The following ITIH1 variants were observed in gnomAD, a reference collection of about 807,000 sequenced individuals.
The protein encoded by ITIH1 is inter-alpha-trypsin inhibitor heavy chain H1.
Under a neutral mutation model 104.6 loss-of-function variants are expected in ITIH1, and 94 were observed. That is an observed-to-expected ratio of 0.90 (90% CI 0.76 to 1.07). The LOEUF is 1.07. Ranked by LOEUF, ITIH1 falls within the 50% of genes least tolerant of loss-of-function variation. The pLI is 0.00. For missense variants in ITIH1, 1,193 were observed against 1,181.4 expected, an observed-to-expected ratio of 1.01 and a Z score of -0.14; for synonymous variants, 455 against 464.4, an observed-to-expected ratio of 0.98 and a Z score of 0.26.
chr3:52,778,452 A>G lies in ITIH1; in HGVS notation c.251A>G (p.Glu84Gly), dbSNP rs1698957686. 1 of 1,614,116 alleles carries G rather than the reference A, an allele frequency of 6.2e-7. No homozygotes were observed. The highest frequency in any genetic ancestry group is 8.5e-7 in the Non-Finnish European group (1 of 1,180,040). ...QVVNTANEAR[E>G]VAFDLEIPKT... ...GTCAACACTGCCAATGAAGCCAGGG[A>G]AGTGGCCTTCGACCTGGAAATCCCC... Residue 84 changes from glutamate to glycine, a missense_variant, in exon 3 of 22, where the codon GAA (glutamate) becomes GGA (glycine). Transcript: ENST00000273283.
At position 52,778,998 on chromosome 3, in the gene ITIH1, A is replaced by G. The variant is rs1698974565; in HGVS notation, c.362A>G (p.Lys121Arg). 1 of 1,613,906 alleles carries G rather than the reference A, an allele frequency of 6.2e-7. No homozygotes were observed. The highest frequency in any genetic ancestry group is 8.5e-7 in the Non-Finnish European group (1 of 1,179,856). Reference sequence around the variant, plus strand: ...ATAAAGGACAAGGTGACTGCATGGAAGCAGTACCGGAAAGCAGCTATCTCA... The same window carrying G: ...ATAAAGGACAAGGTGACTGCATGGAGGCAGTACCGGAAAGCAGCTATCTCA... ...GDIKDKVTAW[K>R]QYRKAAISGE... is the part of the protein sequence containing the mutation. Residue 121 changes from lysine to arginine, a missense_variant, in exon 4 of 22, where the codon AAG (lysine) becomes AGG (arginine). Lys to Arg is a conservative substitution (Grantham distance 26, BLOSUM62 2). Transcript: ENST00000273283.
In ITIH1 at chr3:52,790,836, G is replaced by T; in HGVS notation, c.2409G>T (p.Trp803Cys). 1 of 1,613,248 alleles carries T rather than the reference G, an allele frequency of 6.2e-7. No homozygotes were observed. The highest frequency in any genetic ancestry group is 8.5e-7 in the Non-Finnish European group (1 of 1,179,628). ...GTFEVVLHRV[W>C]KGSSVHQDFL... is the part of the protein sequence containing the mutation. ...TTGAGGTTGTTTTGCACCGAGTGTG[G>T]AAGGGGAGCTCGGTCCACCAGGACT... The change falls in exon 20 of 22, where the codon TGG becomes TGT. Residue 803 changes from tryptophan to cysteine, a missense_variant. Physicochemically the swap from Trp to Cys is radical, Grantham distance 215. Coordinates refer to ENST00000273283, the MANE Select transcript of ITIH1 (RefSeq NM_002215.4).
chr3:52,777,688 A>G lies in ITIH1; in HGVS notation c.73A>G (p.Met25Val), dbSNP rs770913208. Residue 25 changes from methionine (M) to valine (V), a missense_variant, in exon 1 of 22, where the codon ATG becomes GTG. Physicochemically the swap from Met to Val is conservative, Grantham distance 21. Transcript: ENST00000273283. ...YLVSLLILQA[M>V]PALGSATGRS... The stretch of plus-strand genomic sequence containing the variant: ...GGTATCTCTCCTCATCCTGCAGGCC[A>G]TGCCTGCCCTGGGCTCGGCTACAGG... The G allele has an allele frequency of 4.4e-6, 7 of 1,605,022 alleles. No individual in the cohort carries two copies. The highest frequency in any genetic ancestry group is 2.7e-5 in the African/African-American group (2 of 74,510).
intron 9 of ITIH1, 21 bp from the exon 10 acceptor site, chr3:52,783,192 GT>G (rs1340744177): frequency 6.2e-7 from 1 of 1,613,984 alleles, no homozygotes; most frequent in Admixed American, 1.7e-5. Context: ...GCATACACTG[GT>G]CTGCTTTCTC....
At position 52,789,647 on chromosome 3, in the gene ITIH1, T is replaced by C. The variant is rs766291282; in HGVS notation, c.2120-6T>C. 32 of 1,613,880 alleles carry C rather than the reference T, an allele frequency of 2.0e-5. No individual in the cohort carries two copies. Among genetic ancestry groups the C allele is most frequent in the African/African-American group, 2.7e-5 (2 of 74,938 alleles). On this transcript the variant is annotated splice_region_variant and splice_polypyrimidine_tract_variant and intron_variant, in intron 18 of 21. Coordinates refer to ENST00000273283, the MANE Select transcript of ITIH1 (RefSeq NM_002215.4). ...CCAACCCGGATGCCCTCTTGCTCCA[T>C]TGCAGGCTTCTCAGTGAATGGACAG... is the stretch of plus-strand genomic sequence containing the variant.
intron 6 of ITIH1, among the ~76,000 whole-genome samples, chr3:52,780,739 C>T (rs1416820402): frequency 1.3e-5 from 2 of 152,204 alleles, no homozygotes; most frequent in Non-Finnish European, 1.5e-5. Context: ...ATAAGTAAAC[C>T]TCATATGCTG....
intron 18 of ITIH1, 121 bp downstream of exon 18, chr3:52,788,466 G>A: frequency 2.9e-6 from 2 of 698,544 alleles, no homozygotes; most frequent in South Asian, 1.8e-5. Flanking sequence ...CATCCACCTG[G>A]CTGGGCTCTG....
Position 52,789,759 on chromosome 3 carries a change from T to A in ITIH1, c.2226T>A (p.Phe742Leu). The A allele has an allele frequency of 6.2e-7, 1 of 1,614,208 alleles. No homozygotes were observed. Among genetic ancestry groups the A allele is most frequent in the Non-Finnish European group, 8.5e-7 (1 of 1,180,032 alleles). The change falls in exon 19 of 22, where the codon TTT becomes TTA. Residue 742 changes from phenylalanine to leucine, a missense_variant. By Grantham distance (22) the Phe-to-Leu change is conservative. Coordinates refer to ENST00000273283, the MANE Select transcript of ITIH1 (RefSeq NM_002215.4). Reference protein sequence around the residue: ...RLGIANPATDFQLEVTPQNIT... With the variant: ...RLGIANPATDLQLEVTPQNIT... ...GAATCGCAAACCCTGCCACGGACTT[T>A]CAGTTGGAAGTGACTCCTCAGAACA...
chr3:52,777,667 T>C lies in ITIH1; in HGVS notation c.52T>C (p.Ser18Pro). ...GCTGCTGTTGTGCATGTACCTGGTA[T>C]CTCTCCTCATCCTGCAGGCCATGCC... The part of the protein sequence containing the change: ...RGLLLCMYLV[S>P]LLILQAMPAL... The change falls in exon 1 of 22, where the codon TCT becomes CCT. Residue 18 changes from serine (S) to proline (P), a missense_variant. Coordinates refer to ENST00000273283, the MANE Select transcript of ITIH1 (RefSeq NM_002215.4). The C allele has an allele frequency of 6.2e-7, 1 of 1,606,506 alleles. No homozygotes were observed. Among genetic ancestry groups the C allele is most frequent in the Non-Finnish European group, 8.5e-7 (1 of 1,176,636 alleles).
Position 52,779,789 on chromosome 3 carries a change from C to T in ITIH1, c.573+195C>T. On this transcript the variant is annotated intron_variant, in intron 5 of 21. Coordinates refer to ENST00000273283, the MANE Select transcript of ITIH1 (RefSeq NM_002215.4). The surrounding 1 kb of genome is among the most constrained non-coding windows in gnomAD (Gnocchi z 4.4). ...GAATTCTCTAACTTCCTCTTTATCTCTGAGCTTCGGTTTGCTCATCTGCTA... is the reference window on the plus strand; with the variant it reads ...GAATTCTCTAACTTCCTCTTTATCTTTGAGCTTCGGTTTGCTCATCTGCTA... 2.8e-6 allele frequency: 3 copies of T among 1,064,144 alleles called. No individual in the cohort carries two copies. The highest frequency in any genetic ancestry group is 4.0e-6 in the Non-Finnish European group (3 of 754,406). The allele number at this position is 1,064,144 out of a possible 1,614,324, so 65.9% of individuals were successfully genotyped here.
intron 11 of ITIH1, 87 bp downstream of exon 11, chr3:52,784,564 C>G: frequency 7.8e-7 from 1 of 1,288,776 alleles, no homozygotes; most frequent in Non-Finnish European, 1.1e-6. Context: ...CCTAGAGGAG[C>G]AGATAAAGCT....
At chr3:52,787,959 T>G in intron 16 of ITIH1, 27 bp from the exon 17 acceptor site, 1 of 1,597,132 alleles carries the variant, frequency 6.3e-7, no homozygotes, top group Non-Finnish European at 8.6e-7. Context: ...CTGCCCCGCT[T>G]CTAAATGCCA....
chr3:52,786,325 G>C lies in ITIH1; in HGVS notation c.1624G>C (p.Val542Leu). ...EGQEFSITCL[V>L]DEEEMKKLLR... ...ACAAGAATTCAGTATAACCTGCCTA[G>C]TGGATGAGGAGGAGATGAAGAAACT... The change falls in exon 13 of 22, where the codon GTG (valine) becomes CTG (leucine). Residue 542 changes from valine (V) to leucine (L), a missense_variant. Transcript: ENST00000273283. 1.9e-6 allele frequency: 3 copies of C among 1,573,038 alleles called. No homozygotes were observed. Among genetic ancestry groups the C allele is most frequent in the Non-Finnish European group, 2.6e-6 (3 of 1,158,046 alleles).
chr3:52,787,322 G>T (rs1421182747), intron 15 of ITIH1, 120 bp downstream of exon 15: 7 of 1,401,352 alleles, frequency 5.0e-6, no homozygotes, highest in South Asian at 1.2e-5. Context: ...ACTCCTTCCC[G>T]TTCTTCCGTC....
At chr3:52,790,189 A>C in intron 19 of ITIH1, 5 of 370,836 alleles carry the variant, frequency 1.3e-5, no homozygotes, top group East Asian at 5.4e-5. Context: ...CCTCTGCTGA[A>C]CTCCAGATTT....
rs756496961 is a variant in ITIH1 at position 52,785,213 on chromosome 3, A to G, written c.1577A>G (p.Asp526Gly). Reference sequence around the variant, plus strand: ...AACAAACAGAGCAGCTTCAAGGCTGATGTGCAGGCCCATGGGGTAAATGGT... The same window carrying G: ...AACAAACAGAGCAGCTTCAAGGCTGGTGTGCAGGCCCATGGGGTAAATGGT... ...ADNKQSSFKA[D>G]VQAHGEGQEF... is the part of the protein sequence containing the mutation. Residue 526 changes from aspartate (D) to glycine (G), a missense_variant, in exon 12 of 22, where the codon GAT becomes GGT. Asp to Gly is a moderately conservative substitution (Grantham distance 94, BLOSUM62 -1). Transcript: ENST00000273283. 2 of 1,614,076 alleles carry G rather than the reference A, an allele frequency of 1.2e-6. No individual in the cohort carries two copies. Among genetic ancestry groups the G allele is most frequent in the Non-Finnish European group, 1.7e-6 (2 of 1,179,976 alleles).
intron 6 of ITIH1, among the ~76,000 whole-genome samples, chr3:52,781,199 T>C (rs1559461096): frequency 7.0e-5 from 3 of 42,884 alleles, no homozygotes; most frequent in African/African-American, 4.0e-4. Context: ...CTCCTCTTCT[T>C]TTTTTTTTTT....
chr3:52,782,126 C>A, intron 7 of ITIH1, 25 bp from the exon 8 acceptor site: 1 of 1,614,028 alleles, frequency 6.2e-7, no homozygotes, highest in Non-Finnish European at 8.5e-7. Flanking sequence ...GTGAGAGTGG[C>A]CTCACTCGTT....
Position 52,784,311 on chromosome 3 carries a change from C to T in ITIH1, c.1241C>T (p.Ser414Phe), listed in dbSNP as rs769911958. 1.2e-6 allele frequency: 2 copies of T among 1,613,684 alleles called. No individual in the cohort carries two copies. Among genetic ancestry groups the T allele is most frequent in the South Asian group, 2.2e-5 (2 of 90,986 alleles). The part of the protein sequence containing the change: ...GDPTEGVTDR[S>F]QILKNVRNAI... Reference sequence around the variant, plus strand: ...TGGCTTGCAGGGGTGACGGACCGTTCCCAAATCCTCAAGAACGTCCGCAAC... The same window carrying T: ...TGGCTTGCAGGGGTGACGGACCGTTTCCAAATCCTCAAGAACGTCCGCAAC... The change falls in exon 11 of 22, where the codon TCC becomes TTC. Residue 414 changes from serine (S) to phenylalanine (F), a missense_variant. Physicochemically the swap from Ser to Phe is radical, Grantham distance 155 (BLOSUM62 -2). Transcript: ENST00000273283.
Sources: gnomAD v4.1 joint callset for allele counts (sites outside exome capture counted in the v4.1 genomes callset) on GRCh38, gnomAD v4.1.1 for gene constraint, Gnocchi (gnomAD v3.1) non-coding constraint, MANE v1.5 for transcripts, NCBI Gene and HGNC (gene_info 2026-07-23, HGNC 2026-07-21) for gene names.